The following CTNS variants were observed in gnomAD, a reference collection of about 807,000 sequenced individuals.
CTNS encodes cystinosin.
In CTNS, 27 loss-of-function variants were observed where a neutral mutation model predicts 43.7. The ratio of observed to expected loss-of-function variants is 0.62; its 90% CI spans 0.46 to 0.85. CTNS has a LOEUF of 0.85. Among genes scored for constraint, CTNS ranks in the 40% least tolerant of loss-of-function variants. The pLI, the probability that CTNS is intolerant of heterozygous loss-of-function variation, is 0.00. For missense variants in CTNS, 457 were observed against 475.4 expected (o/e 0.96, Z 0.36); for synonymous variants, 187 against 190.6 (o/e 0.98, Z 0.16).
Position 3,660,513 on chromosome 17 carries a change from G to T in CTNS, c.*144G>T. Reference sequence around the variant, plus strand: ...CAGAGGAGACCACTCTGCTCCTGGGGCCAGAGGCCATTCAATAGCCTGCCT... The same window carrying T: ...CAGAGGAGACCACTCTGCTCCTGGGTCCAGAGGCCATTCAATAGCCTGCCT... On this transcript the variant is annotated 3_prime_UTR_variant, in exon 12 of 12. Coordinates refer to ENST00000046640, the MANE Select transcript of CTNS (RefSeq NM_004937.3). 6.2e-7 allele frequency: 1 copy of T among 1,612,476 alleles called. No individual in the cohort carries two copies. Among genetic ancestry groups the T allele is most frequent in the Non-Finnish European group, 8.5e-7 (1 of 1,179,966 alleles).
At chr17:3,657,911 C>A in intron 9 of CTNS, 94 bp from the exon 10 acceptor site, 3 of 1,462,080 alleles carry the variant, frequency 2.1e-6, no homozygotes, top group African/African-American at 1.4e-5. Flanking sequence ...GCCTCCGTGC[C>A]CCTCTCTAAG....
At chr17:3,653,394 A>G (rs1178307677) in intron 5 of CTNS, among the ~76,000 whole-genome samples, 1 of 152,194 alleles carries the variant, frequency 6.6e-6, no homozygotes, top group African/African-American at 2.4e-5. Flanking sequence ...GACTGGCAAC[A>G]GAGTGAGATT....
At chr17:3,652,654 G>A (rs546058789) in intron 5 of CTNS, among the ~76,000 whole-genome samples, 3 of 152,234 alleles carry the variant, frequency 2.0e-5, no homozygotes, top group East Asian at 1.9e-4. Context: ...GAAAGGTAGC[G>A]ATTATCACTT....
chr17:3,650,676 A>G (rs2075958180), intron 5 of CTNS, among the ~76,000 whole-genome samples: 1 of 152,214 alleles, frequency 6.6e-6, no homozygotes, highest in Non-Finnish European at 1.5e-5. Context: ...GGGTTCCCAC[A>G]GCACAGCCCT....
Position 3,655,001 on chromosome 17 carries a change from G to A in CTNS, c.229G>A (p.Val77Met). The A allele has an allele frequency of 1.2e-6, 2 of 1,612,246 alleles. No homozygotes were observed. Among genetic ancestry groups the A allele is most frequent in the South Asian group, 1.1e-5 (1 of 91,056 alleles). ...TGAACCTCAGTCTTCCTAACAGGTT[G>A]TGGTGCCTCCTGGAGTGACAAACTC... ...ITILELPDEV[V>M]VPPGVTNSSF... is the part of the protein sequence containing the mutation. Residue 77 changes from valine (V) to methionine (M), a missense_variant, in exon 6 of 12, where the codon GTG becomes ATG. Physicochemically the swap from Val to Met is conservative, Grantham distance 21 (BLOSUM62 1). Transcript: ENST00000046640.
At chr17:3,653,726 A>G (rs1322676836) in intron 5 of CTNS, among the ~76,000 whole-genome samples, 1 of 151,952 alleles carries the variant, frequency 6.6e-6, no homozygotes, top group Admixed American at 6.6e-5. Flanking sequence ...AAATACAAAA[A>G]TTAGCCAGAC....
rs907916051 is a variant in CTNS, at chr17:3,656,539, G to T, written c.514G>T (p.Ala172Ser). ...FVALNLTGFV[A>S]YSVFNIGLLW... ...GGCTCTGAACCTGACGGGCTTCGTGGCCTACAGTGTATTCAACATCGGCCT... is the reference window on the plus strand; with the variant it reads ...GGCTCTGAACCTGACGGGCTTCGTGTCCTACAGTGTATTCAACATCGGCCT... Residue 172 changes from alanine (A) to serine (S), a missense_variant, in exon 8 of 12, where the codon GCC (alanine) becomes TCC (serine). Coordinates refer to ENST00000046640, the MANE Select transcript of CTNS (RefSeq NM_004937.3). The T allele has an allele frequency of 1.9e-6, 3 of 1,608,598 alleles. No individual in the cohort carries two copies. The highest frequency in any genetic ancestry group is 1.7e-5 in the Admixed American group (1 of 59,242).
rs1038942370 is a variant in CTNS at position 3,636,811 on chromosome 17, C to T, written c.-250C>T. On this transcript the variant is annotated 5_prime_UTR_variant, in exon 1 of 12. Transcript: ENST00000046640. ...CTCATGCGTCCCGTGAGGGCGGTTC[C>T]TCGAGCCTGGGGGCGCTCAGGTGAG... 3.3e-5 allele frequency: 5 copies of T among 152,442 alleles called. No individual in the cohort carries two copies. The highest frequency in any genetic ancestry group is 1.2e-4 in the African/African-American group (5 of 41,470). 9.4% of individuals were successfully genotyped at this position (152,442 alleles called of 1,614,324 possible). A position where few individuals can be genotyped will look rare whatever the true frequency, so the allele number is the denominator to read the frequency against.
intron 3 of CTNS, among the ~76,000 whole-genome samples, chr17:3,644,248 A>C (rs373793766): frequency 9.2e-5 from 14 of 152,160 alleles, no homozygotes; most frequent in African/African-American, 3.4e-4. Flanking sequence ...TATTCTCCCC[A>C]CTGTACAGAT....
chr17:3,641,381 TATA>T lies in CTNS; in HGVS notation c.61+1115_61+1117del, dbSNP rs1351166058. 2.4e-3 allele frequency among the ~76,000 whole-genome samples: 143 copies of T among 60,456 alleles called. 2 individuals are homozygous for T. Among genetic ancestry groups the T allele is most frequent in the African/African-American group, 8.2e-3 (97 of 11,790 alleles). The allele number at this position is 60,456 out of a possible 152,430, so 39.7% of individuals were successfully genotyped here. A position where few individuals can be genotyped will look rare whatever the true frequency, so the allele number is the denominator to read the frequency against. ...ATACATATATATATATATATATATA[TATA>T]TTTTTTTTTTTTTTTTTTTTTTTTT... On this transcript the variant is annotated intron_variant, in intron 3 of 11. Transcript: ENST00000046640.
chr17:3,661,166 CT>C lies in CTNS; in HGVS notation c.*798del. Reference sequence around the variant, plus strand: ...CCAGCATCTGGAGTACAGGACATAGCTCTCTCCTGCTACCAGTCTGTGCCTT... The same window carrying C: ...CCAGCATCTGGAGTACAGGACATAGCCTCTCCTGCTACCAGTCTGTGCCTT... On this transcript the variant is annotated 3_prime_UTR_variant, in exon 12 of 12. Coordinates refer to ENST00000046640, the MANE Select transcript of CTNS (RefSeq NM_004937.3). 2 of 282,936 alleles carry C rather than the reference CT, an allele frequency of 7.1e-6. No homozygotes were observed. Among genetic ancestry groups the C allele is most frequent in the African/African-American group, 2.2e-5 (1 of 45,702 alleles). 17.5% of individuals were successfully genotyped at this position (282,936 alleles called of 1,614,324 possible). A position where few individuals can be genotyped will look rare whatever the true frequency, so the allele number is the denominator to read the frequency against.
At chr17:3,652,108 C>G (rs2076001727) in intron 5 of CTNS, among the ~76,000 whole-genome samples, 1 of 152,198 alleles carries the variant, frequency 6.6e-6, no homozygotes, top group South Asian at 2.1e-4. Flanking sequence ...TCTCACCACT[C>G]CCCTCTACTA....
At position 3,658,118 on chromosome 17, in the gene CTNS, T is replaced by G. The variant is rs767033144; in HGVS notation, c.795T>G (p.Phe265Leu). ...AAVGVTTWLQ[F>L]LFCFSYIKLA... Reference sequence around the variant, plus strand: ...TGGGAGTGACCACGTGGCTGCAGTTTCTCTTCTGCTTCTCCTACATCAAGC... The same window carrying G: ...TGGGAGTGACCACGTGGCTGCAGTTGCTCTTCTGCTTCTCCTACATCAAGC... The change falls in exon 10 of 12, where the codon TTT becomes TTG. Residue 265 changes from phenylalanine to leucine, a missense_variant. By Grantham distance (22) the Phe-to-Leu change is conservative (BLOSUM62 0). Coordinates refer to ENST00000046640, the MANE Select transcript of CTNS (RefSeq NM_004937.3). The G allele has an allele frequency of 1.1e-5, 17 of 1,612,504 alleles. No individual in the cohort carries two copies. In the East Asian group the frequency reaches 3.6e-4, roughly 34 times the overall value.
In CTNS at chr17:3,649,026, C is replaced by T. The variant is rs910047628; in HGVS notation, c.225+95C>T. The stretch of plus-strand genomic sequence containing the variant: ...GTGGAAACAGGTCTCCTAGGCGGCC[C>T]CTGTTCCATCAACCTAGAAATCTGT... On this transcript the variant is annotated intron_variant, in intron 5 of 11. Transcript: ENST00000046640. 3.9e-6 allele frequency: 4 copies of T among 1,025,172 alleles called. No homozygotes were observed. In the East Asian group the frequency reaches 7.3e-5, roughly 19 times the overall value. The allele number at this position is 1,025,172 out of a possible 1,614,324, so 63.5% of individuals were successfully genotyped here.
chr17:3,641,360 A>G (rs1347452438), intron 3 of CTNS, among the ~76,000 whole-genome samples: 1 of 8,636 alleles, frequency 1.2e-4, no homozygotes, highest in East Asian at 1.2e-3. Flanking sequence ...AATCAGATAC[A>G]TATATATATA....
Position 3,640,186 on chromosome 17 carries a change from A to T in CTNS, c.-19-2A>T. The T allele has an allele frequency of 6.2e-7, 1 of 1,611,492 alleles. No individual in the cohort carries two copies. On this transcript the variant is annotated splice_acceptor_variant, in intron 2 of 11. Transcript: ENST00000046640. LOFTEE classifies it low-confidence loss of function (5UTR_SPLICE). ...CTTCTCTCTTGCTGTTTTTCTTCCT[A>T]GTTCTGAGAAATCGAGAAACATGAT... is the stretch of plus-strand genomic sequence containing the variant.
At chr17:3,647,805 C>T (rs1035831605) in intron 4 of CTNS, among the ~76,000 whole-genome samples, 12 of 152,130 alleles carry the variant, frequency 7.9e-5, no homozygotes, top group African/African-American at 1.4e-4. Context: ...CCTGTGTGAC[C>T]GGTGTTGAGG....
intron 11 of CTNS, 50 bp downstream of exon 11, chr17:3,660,025 G>C (rs372617761): frequency 6.5e-7 from 1 of 1,529,020 alleles, no homozygotes; most frequent in Non-Finnish European, 9.0e-7. Flanking sequence ...GGCATCGGGC[G>C]GGGCCAGCCT....
Position 3,660,475 on chromosome 17 carries a change from C to T in CTNS, c.*106C>T. 1 of 1,612,992 alleles carries T rather than the reference C, an allele frequency of 6.2e-7. No homozygotes were observed. The highest frequency in any genetic ancestry group is 8.5e-7 in the Non-Finnish European group (1 of 1,179,996). Reference sequence around the variant, plus strand: ...GTTGGGCCCTGGCACACAGGGCTGGCTCAGTGTGCGGACAGAGGAGACCAC... The same window carrying T: ...GTTGGGCCCTGGCACACAGGGCTGGTTCAGTGTGCGGACAGAGGAGACCAC... On this transcript the variant is annotated 3_prime_UTR_variant, in exon 12 of 12. Transcript: ENST00000046640.
Sources: gnomAD v4.1 joint callset for allele counts (sites outside exome capture counted in the v4.1 genomes callset) on GRCh38, gnomAD v4.1.1 for gene constraint, MANE v1.5 for transcripts, NCBI Gene and HGNC (gene_info 2026-07-23, HGNC 2026-07-21) for gene names.